The following CTNNA1 variants were observed in gnomAD, a reference collection of about 807,000 sequenced individuals.
The protein encoded by CTNNA1 is catenin alpha 1.
A neutral mutation model predicts 98.4 loss-of-function variants in CTNNA1; 37 were observed. That is an observed-to-expected ratio of 0.38 (90% CI 0.29 to 0.49). The LOEUF is 0.49. Among genes scored for constraint, CTNNA1 ranks in the 20% least tolerant of loss-of-function variants. CTNNA1 has a pLI of 0.95. For missense variants in CTNNA1, 761 were observed against 1,147.2 expected, an observed-to-expected ratio of 0.66 and a Z score of 4.86; for synonymous variants, 404 against 413.2, an observed-to-expected ratio of 0.98 and a Z score of 0.27.
At chr5:138,755,682 T>G (rs1288222421) in intron 1 of CTNNA1, among the ~76,000 whole-genome samples, 2 of 152,088 alleles carry the variant, frequency 1.3e-5, no homozygotes, top group East Asian at 3.8e-4. Context: ...AGTGCAGGTG[T>G]GTCTCCTGAC....
At chr5:138,783,120 GATA>G (rs938771339) in intron 2 of CTNNA1, 54 bp from the exon 3 acceptor site, 5 of 1,344,328 alleles carry the variant, frequency 3.7e-6, no homozygotes, top group African/African-American at 1.5e-5. Flanking sequence ...TGTCTTTAAA[GATA>G]TTAGTTTGTC....
At chr5:138,892,908 C>T (rs1313496021) in intron 9 of CTNNA1, among the ~76,000 whole-genome samples, 1 of 151,596 alleles carries the variant, frequency 6.6e-6, no homozygotes, top group Non-Finnish European at 1.5e-5. Context: ...CCCAGCTACT[C>T]GGGAGGCTGA....
intron 7 of CTNNA1, chr5:138,871,791 A>T (rs530964038): frequency 1.2e-4 from 19 of 152,346 alleles, no homozygotes; most frequent in African/African-American, 4.1e-4. Context: ...AACTACACTT[A>T]CAGCGTGAAT....
At chr5:138,834,510 A>C (rs1436489775) in intron 7 of CTNNA1, among the ~76,000 whole-genome samples, 1 of 152,220 alleles carries the variant, frequency 6.6e-6, no homozygotes, top group Non-Finnish European at 1.5e-5. Flanking sequence ...TTGCTCAAAA[A>C]TACATATACA....
chr5:138,778,690 T>G (rs1436022696), intron 1 of CTNNA1, among the ~76,000 whole-genome samples: 1 of 152,232 alleles, frequency 6.6e-6, no homozygotes. Flanking sequence ...ATGCTGATTT[T>G]TCTAAATACA....
chr5:138,919,855 G>T (rs1021394158), intron 11 of CTNNA1, among the ~76,000 whole-genome samples: 1 of 152,004 alleles, frequency 6.6e-6, no homozygotes, highest in African/African-American at 2.4e-5. Context: ...TATGTAATAT[G>T]CGGAGACAAG....
At chr5:138,791,722 A>G (rs370568582) in intron 3 of CTNNA1, among the ~76,000 whole-genome samples, 4 of 147,704 alleles carry the variant, frequency 2.7e-5, no homozygotes, top group African/African-American at 1.0e-4. Context: ...GTTTGCAAGC[A>G]TCTGGGTAAT....
intron 7 of CTNNA1, among the ~76,000 whole-genome samples, chr5:138,877,185 T>C (rs1216300631): frequency 2.0e-5 from 3 of 152,224 alleles, no homozygotes; most frequent in Non-Finnish European, 4.4e-5. Context: ...AAACAAGTCC[T>C]GGTTTAGACC....
intron 3 of CTNNA1, among the ~76,000 whole-genome samples, chr5:138,796,663 G>A (rs1757010250): frequency 6.6e-6 from 1 of 152,188 alleles, no homozygotes; most frequent in Non-Finnish European, 1.5e-5. Flanking sequence ...AAATCAGTGG[G>A]AGAAGGGAGA....
intron 7 of CTNNA1, among the ~76,000 whole-genome samples, chr5:138,850,909 A>C (rs1763125880): frequency 1.3e-5 from 2 of 152,204 alleles, no homozygotes; most frequent in African/African-American, 4.8e-5. Flanking sequence ...TCTGCTTTCT[A>C]ATATTAGATC....
intron 9 of CTNNA1, among the ~76,000 whole-genome samples, chr5:138,893,724 A>G (rs1399231465): frequency 6.7e-6 from 1 of 149,182 alleles, no homozygotes; most frequent in African/African-American, 2.5e-5. Context: ...CCCAGATTCA[A>G]GTGATTCTCC....
intron 7 of CTNNA1, among the ~76,000 whole-genome samples, chr5:138,865,167 TGTA>T (rs1407458152): frequency 9.2e-5 from 14 of 152,184 alleles, no homozygotes; most frequent in African/African-American, 3.1e-4. Context: ...TGTAATATAA[TGTA>T]GTAGGTGTTT....
chr5:138,765,213 A>G (rs894289231), intron 1 of CTNNA1, among the ~76,000 whole-genome samples: 4 of 151,830 alleles, frequency 2.6e-5, no homozygotes, highest in Non-Finnish European at 5.9e-5. Context: ...GCTAATTTTC[A>G]TATTTTTAGT....
At chr5:138,868,267 G>A (rs992835368) in intron 7 of CTNNA1, among the ~76,000 whole-genome samples, 2 of 152,152 alleles carry the variant, frequency 1.3e-5, no homozygotes, top group Admixed American at 6.5e-5. Context: ...GCAGATTTTC[G>A]ACTGTGTGGA....
chr5:138,801,662 A>C (rs992733072), intron 3 of CTNNA1, among the ~76,000 whole-genome samples: 2 of 152,228 alleles, frequency 1.3e-5, no homozygotes, highest in African/African-American at 4.8e-5. Flanking sequence ...GTTCCCTGCA[A>C]ATCTGTTCAG....
At chr5:138,808,504 T>C (rs1010975125) in intron 3 of CTNNA1, among the ~76,000 whole-genome samples, 1 of 152,030 alleles carries the variant, frequency 6.6e-6, no homozygotes, top group Admixed American at 6.6e-5. Context: ...ATTGGAAGTT[T>C]TTTTCTGGCC....
At chr5:138,760,403 G>T (rs1039266740) in intron 1 of CTNNA1, among the ~76,000 whole-genome samples, 12 of 148,282 alleles carry the variant, frequency 8.1e-5, no homozygotes, top group African/African-American at 2.5e-4. Flanking sequence ...AGTCTCTGTT[G>T]TCCAGGCTGG....
At chr5:138,923,927 A>G (rs1383908123) in intron 11 of CTNNA1, among the ~76,000 whole-genome samples, 2 of 152,216 alleles carry the variant, frequency 1.3e-5, no homozygotes, top group African/African-American at 2.4e-5. Context: ...AAATATCACA[A>G]TAAGCCCATC....
At chr5:138,782,539 C>G in intron 2 of CTNNA1, 2 of 237,388 alleles carry the variant, frequency 8.4e-6, no homozygotes, top group South Asian at 9.2e-5. Flanking sequence ...GTGAGAGATT[C>G]AGAGAGAGAG....
Sources: gnomAD v4.1 joint callset for allele counts (sites outside exome capture counted in the v4.1 genomes callset) on GRCh38, gnomAD v4.1.1 for gene constraint, MANE v1.5 for transcripts, NCBI Gene and HGNC (gene_info 2026-07-23, HGNC 2026-07-21) for gene names.